The following MMS19 variants were observed in gnomAD, a reference collection of about 807,000 sequenced individuals.
The protein encoded by MMS19 is MMS19 nucleotide excision repair protein homolog.
MMS19 carries 77 observed loss-of-function variants against 129.8 expected under a neutral mutation model. The observed-to-expected ratio is 0.59, with a 90% CI of 0.49 to 0.72. The LOEUF (loss-of-function observed/expected upper bound fraction) is 0.72. Among genes scored for constraint, MMS19 ranks in the 30% least tolerant of loss-of-function variants. The pLI, the probability that MMS19 is intolerant of heterozygous loss-of-function variation, is 0.00. For synonymous variants in MMS19, 491 were observed against 502.8 expected (o/e 0.98, Z 0.31); for missense variants, 1,168 against 1,266.3 (o/e 0.92, Z 1.18).
At chr10:97,485,111 T>A (rs548064373) in intron 1 of MMS19, among the ~76,000 whole-genome samples, 11 of 152,126 alleles carry the variant, frequency 7.2e-5, no homozygotes, top group African/African-American at 2.6e-4. Context: ...AAAATCTGAA[T>A]GATGAAAACT....
rs11189228 is a variant in MMS19 at position 97,461,128 on chromosome 10, T to C, written c.2312-121A>G. On this transcript the variant is annotated intron_variant, in intron 23 of 30. Coordinates refer to ENST00000438925, the MANE Select transcript of MMS19 (RefSeq NM_022362.5). Reference sequence around the variant, plus strand: ...CTGTTAGAAAGGGAAAATATCATTTTTGCCTGTGGACAAAATGATTGGACA... The same window carrying C: ...CTGTTAGAAAGGGAAAATATCATTTCTGCCTGTGGACAAAATGATTGGACA... The C allele has an allele frequency of 3.7e-5, 31 of 827,984 alleles. No individual in the cohort carries two copies. The East Asian group carries it at 7.5e-4, about 20-fold the overall frequency. 51.3% of individuals were successfully genotyped at this position (827,984 alleles called of 1,614,324 possible).
At chr10:97,477,995 T>C (rs1164492189) in intron 4 of MMS19, 66 bp from the exon 5 acceptor site, 1 of 1,044,744 alleles carries the variant, frequency 9.6e-7, no homozygotes, top group Non-Finnish European at 1.4e-6. Context: ...GACACAACCC[T>C]ACGACAGGCC....
intron 18 of MMS19, among the ~76,000 whole-genome samples, chr10:97,464,866 T>C (rs1368630597): frequency 1.3e-5 from 2 of 151,834 alleles, no homozygotes; most frequent in Non-Finnish European, 2.9e-5. Context: ...TCCTGGCTAA[T>C]TTTTGTATTT....
intron 3 of MMS19, chr10:97,480,264 G>C (rs1409631565): frequency 2.2e-6 from 1 of 464,078 alleles, no homozygotes; most frequent in Non-Finnish European, 4.4e-6. Flanking sequence ...GTGGCAGGCG[G>C]AGTTCCCTCT....
At position 97,463,987 on chromosome 10, in the gene MMS19, C is replaced by T. The variant is rs866007879; in HGVS notation, c.1783G>A (p.Val595Ile). The T allele has an allele frequency of 2.2e-5, 36 of 1,613,112 alleles. No homozygotes were observed. The highest frequency in any genetic ancestry group is 6.7e-5 in the African/African-American group (5 of 74,950). ...CTGAGGCTCTGACAGACAGCAATAACGTCACTGGATTGTGCAACCATATTC... is the reference window on the plus strand; with the variant it reads ...CTGAGGCTCTGACAGACAGCAATAATGTCACTGGATTGTGCAACCATATTC... Reference protein sequence around the residue: ...RGNMVAQSSDVIAVCQSLRQM... With the variant: ...RGNMVAQSSDIIAVCQSLRQM... The change falls in exon 19 of 31, where the codon GTT becomes ATT. Residue 595 changes from valine to isoleucine, a missense_variant. This residue lies in a region of MMS19 where 831 missense variants were observed against 910.8 expected (regional missense o/e 0.91). Coordinates refer to ENST00000438925, the MANE Select transcript of MMS19 (RefSeq NM_022362.5).
In MMS19 at chr10:97,469,707, A is replaced by G. The variant is rs748104419; in HGVS notation, c.863T>C (p.Val288Ala). The part of the protein sequence containing the change: ...SLQTLNACCA[V>A]YGQKELKDFL... ...GTCCTTCAGTTCCTTCTGTCCATAC[A>G]CAGCACAGCAAGCATTCTGCCAAGG... Residue 288 changes from valine (V) to alanine (A), a missense_variant, in exon 11 of 31, where the codon GTG (valine) becomes GCG (alanine). Val to Ala is a moderately conservative substitution (Grantham distance 64, BLOSUM62 0). This residue lies in a region of MMS19 where 831 missense variants were observed against 910.8 expected (regional missense o/e 0.91). Transcript: ENST00000438925. 7.4e-6 allele frequency: 12 copies of G among 1,613,776 alleles called. No homozygotes were observed. The highest frequency in any genetic ancestry group is 5.3e-5 in the African/African-American group (4 of 74,920).
At chr10:97,473,734 A>G (rs1285407477) in intron 8 of MMS19, among the ~76,000 whole-genome samples, 1 of 152,182 alleles carries the variant, frequency 6.6e-6, no homozygotes, top group Non-Finnish European at 1.5e-5. Flanking sequence ...GTTGATAACA[A>G]AAGTTCTATT....
chr10:97,460,264 G>C, intron 25 of MMS19, 32 bp from the exon 26 acceptor site: 1 of 1,589,864 alleles, frequency 6.3e-7, no homozygotes, highest in Non-Finnish European at 8.6e-7. Context: ...AGGTACATCA[G>C]GGAAGAAGAA....
At chr10:97,467,368 A>C (rs1490176709) in intron 14 of MMS19, 137 bp downstream of exon 14, 2 of 629,066 alleles carry the variant, frequency 3.2e-6, no homozygotes, top group Non-Finnish European at 5.6e-6. Context: ...TCATCTGTTA[A>C]GTGTTCTCTT....
intron 13 of MMS19, 43 bp downstream of exon 13, chr10:97,468,209 C>CACA (rs2033937842): frequency 6.8e-7 from 1 of 1,479,840 alleles, no homozygotes; most frequent in Non-Finnish European, 9.0e-7. Context: ...GGGAACCTAG[C>CACA]ACACAGGTCC....
Position 97,484,102 on chromosome 10 carries a change from C to T in MMS19, c.161+1G>A. The T allele has an allele frequency of 6.5e-7, 1 of 1,543,678 alleles. No individual in the cohort carries two copies. Among genetic ancestry groups the T allele is most frequent in the Non-Finnish European group, 8.8e-7 (1 of 1,136,894 alleles). On this transcript the variant is annotated splice_donor_variant, in intron 2 of 30. Coordinates refer to ENST00000438925, the MANE Select transcript of MMS19 (RefSeq NM_022362.5). LOFTEE classifies it high-confidence loss of function. The stretch of plus-strand genomic sequence containing the variant: ...GAACATTCTATAGCAGAGGCTCTTA[C>T]CCAAGGGCTTCCACAACTTGTAACA...
chr10:97,487,380 G>A (rs1442613783), intron 1 of MMS19, among the ~76,000 whole-genome samples: 5 of 150,300 alleles, frequency 3.3e-5, no homozygotes, highest in African/African-American at 7.4e-5. Context: ...GTGCGGTGGC[G>A]CGATCTCGGC....
chr10:97,486,374 T>C (rs2037843278), intron 1 of MMS19, among the ~76,000 whole-genome samples: 1 of 151,978 alleles, frequency 6.6e-6, no homozygotes, highest in South Asian at 2.1e-4. Context: ...AGAGATGGGG[T>C]TTCGCCATGT....
intron 8 of MMS19, 49 bp from the exon 9 acceptor site, chr10:97,470,910 T>C (rs2034555919): frequency 6.6e-7 from 1 of 1,523,224 alleles, no homozygotes; most frequent in Admixed American, 1.7e-5. Context: ...TCAGACCACC[T>C]TGAACACAGG....
At chr10:97,493,756 T>C (rs1042192994) in intron 1 of MMS19, among the ~76,000 whole-genome samples, 1 of 152,232 alleles carries the variant, frequency 6.6e-6, no homozygotes, top group African/African-American at 2.4e-5. Flanking sequence ...GGTTCACACC[T>C]GTAATCTCAG....
At chr10:97,473,147 T>C (rs2035075760) in intron 8 of MMS19, among the ~76,000 whole-genome samples, 1 of 152,100 alleles carries the variant, frequency 6.6e-6, no homozygotes, top group Non-Finnish European at 1.5e-5. Flanking sequence ...GCAATTCTCC[T>C]GCCTCAGCCT....
chr10:97,460,031 T>TTTCAGACTC lies in MMS19; in HGVS notation c.2656+6_2656+14dup, dbSNP rs777656442. The TTTCAGACTC allele has an allele frequency of 5.0e-6, 8 of 1,611,322 alleles. No individual in the cohort carries two copies. Among genetic ancestry groups the TTTCAGACTC allele is most frequent in the Non-Finnish European group, 6.8e-6 (8 of 1,178,006 alleles). On this transcript the variant is annotated intron_variant, in intron 26 of 30. Coordinates refer to ENST00000438925, the MANE Select transcript of MMS19 (RefSeq NM_022362.5). ...GAGATGTGTATATGTGGGGACCTTC[T>TTTCAGACTC]TTCAGACTCCTCACCTTGGGGAGCA...
upstream of MMS19, chr10:97,498,543 G>A: frequency 9.8e-7 from 1 of 1,016,588 alleles, no homozygotes. Flanking sequence ...AGGGAGGGGC[G>A]GGGCCTGAAA....
chr10:97,477,294 A>G (rs2035941131), intron 6 of MMS19, 53 bp downstream of exon 6: 1 of 1,613,488 alleles, frequency 6.2e-7, no homozygotes, highest in Non-Finnish European at 8.5e-7. Context: ...CTAATAGGGG[A>G]AAAAGTAGGA....
Sources: allele counts gnomAD v4.1 joint callset (sites outside exome capture counted in the v4.1 genomes callset), GRCh38; gene constraint gnomAD v4.1.1; regional missense constraint gnomAD v4.1.1; transcripts MANE v1.5; gene names NCBI Gene and HGNC (gene_info 2026-07-23, HGNC 2026-07-21).